The following TAFA2 variants were observed in gnomAD, a reference collection of about 807,000 sequenced individuals.
TAFA2 encodes the protein TAFA chemokine like family member 2, also known as chemokine-like protein TAFA-2.
TAFA2 carries 7 observed loss-of-function variants against 18.8 expected under a neutral mutation model. The observed-to-expected ratio is 0.37, with a 90% CI of 0.21 to 0.70. The LOEUF is 0.70. TAFA2 is among the 30% of genes least tolerant of loss of function. TAFA2 has a pLI of 0.53. For synonymous variants in TAFA2, 60 were observed against 54.2 expected, an observed-to-expected ratio of 1.11 and a Z score of -0.47; for missense variants, 122 against 158.1, an observed-to-expected ratio of 0.77 and a Z score of 1.23.
At chr12:61,977,512 C>A (rs909206161) in intron 1 of TAFA2, among the ~76,000 whole-genome samples, 5 of 152,014 alleles carry the variant, frequency 3.3e-5, no homozygotes, top group Admixed American at 1.3e-4. Context: ...TAAGCCCAGA[C>A]AATGAATGTG....
intron 1 of TAFA2, among the ~76,000 whole-genome samples, chr12:62,057,986 CTCTT>C (rs1489616474): frequency 1.3e-5 from 2 of 152,248 alleles, no homozygotes; most frequent in Non-Finnish European, 2.9e-5. Context: ...GGCAAGCTCT[CTCTT>C]TGTCTGAAAA....
rs57166010 is a variant in TAFA2 at position 61,785,319 on chromosome 12, T to TTGTGTGTGTGTGTGTG, written c.107-30311_107-30296dup. On this transcript the variant is annotated intron_variant, in intron 2 of 4. Transcript: ENST00000416284. ...ATTCCTTTATGGCTGAATAGTATTC[T>TTGTGTGTGTGTGTGTG]TGTGTGTGTGTGTGTGTGTGTGTGT... Among the ~76,000 whole-genome samples the TTGTGTGTGTGTGTGTG allele has an allele frequency of 8.8e-4, 123 of 140,180 alleles. 1 individual carries two copies. Among genetic ancestry groups the TTGTGTGTGTGTGTGTG allele is most frequent in the African/African-American group, 3.0e-3 (113 of 37,828 alleles). 92.0% of individuals were successfully genotyped at this position (140,180 alleles called of 152,430 possible). A position where few individuals can be genotyped will look rare whatever the true frequency, so the allele number is the denominator to read the frequency against.
At chr12:61,895,913 T>A (rs878861332) in intron 1 of TAFA2, among the ~76,000 whole-genome samples, 1 of 151,968 alleles carries the variant, frequency 6.6e-6, no homozygotes, top group South Asian at 2.1e-4. Flanking sequence ...TACCAACTCT[T>A]CAAATATTTG....
chr12:62,259,590 G>T (rs910459441), upstream of TAFA2: 1 of 152,210 alleles, frequency 6.6e-6, no homozygotes, highest in Admixed American at 6.5e-5. Context: ...CATTTCAGGT[G>T]TACGGCACCA....
At chr12:62,240,082 G>T (rs139581445) in intron 1 of TAFA2, among the ~76,000 whole-genome samples, 2 of 150,218 alleles carry the variant, frequency 1.3e-5, no homozygotes, top group African/African-American at 4.9e-5. Context: ...TATATTTATC[G>T]TACATAAATA....
At chr12:61,777,169 C>T (rs753579883) in intron 2 of TAFA2, among the ~76,000 whole-genome samples, 6 of 151,880 alleles carry the variant, frequency 4.0e-5, no homozygotes, top group Non-Finnish European at 8.8e-5. Flanking sequence ...GAATCAAAGA[C>T]TAAGGCAGCC....
intron 1 of TAFA2, among the ~76,000 whole-genome samples, chr12:62,250,757 G>A (rs1284273111): frequency 6.6e-6 from 1 of 152,130 alleles, no homozygotes; most frequent in Admixed American, 6.6e-5. Context: ...TTCAGCAAAT[G>A]ATTACTCCCT....
At chr12:61,840,189 T>C (rs1873115775) in intron 2 of TAFA2, among the ~76,000 whole-genome samples, 1 of 152,008 alleles carries the variant, frequency 6.6e-6, no homozygotes, top group African/African-American at 2.4e-5. Context: ...TAGAGTTGTG[T>C]CTTGGTGTAT....
chr12:61,903,758 T>G (rs1439654840), intron 1 of TAFA2, among the ~76,000 whole-genome samples: 2 of 152,192 alleles, frequency 1.3e-5, no homozygotes, highest in Admixed American at 6.6e-5. Flanking sequence ...AGTTTTTTTG[T>G]ATGTCAACTA....
At chr12:62,033,280 C>T (rs953421457) in intron 1 of TAFA2, among the ~76,000 whole-genome samples, 1 of 152,138 alleles carries the variant, frequency 6.6e-6, no homozygotes, top group African/African-American at 2.4e-5. Flanking sequence ...ACATATATTC[C>T]TGAGGGTCAA....
At chr12:61,959,370 T>C (rs1878804720) in intron 1 of TAFA2, among the ~76,000 whole-genome samples, 1 of 152,054 alleles carries the variant, frequency 6.6e-6, no homozygotes, top group Non-Finnish European at 1.5e-5. Context: ...GGTCTTTGTA[T>C]AGGTCTGCTA....
chr12:62,002,747 C>T (rs1880420127), intron 1 of TAFA2, among the ~76,000 whole-genome samples: 2 of 152,142 alleles, frequency 1.3e-5, no homozygotes, highest in Admixed American at 6.5e-5. Context: ...ATAATCATAT[C>T]ATACTCCCTA....
At chr12:62,126,754 C>A (rs545365631) in intron 1 of TAFA2, among the ~76,000 whole-genome samples, 2 of 152,174 alleles carry the variant, frequency 1.3e-5, no homozygotes, top group Non-Finnish European at 2.9e-5. Context: ...CGGAGAGCCA[C>A]AGAAGGACAG....
chr12:62,248,091 T>G (rs946234411), intron 1 of TAFA2, among the ~76,000 whole-genome samples: 1 of 152,116 alleles, frequency 6.6e-6, no homozygotes, highest in African/African-American at 2.4e-5. Context: ...AAAAGAAAGC[T>G]CTCAGAAAAA....
chr12:62,094,181 T>A (rs75362195), intron 1 of TAFA2, among the ~76,000 whole-genome samples: 1 of 152,266 alleles, frequency 6.6e-6, no homozygotes, highest in African/African-American at 2.4e-5. Context: ...TATAATTGAC[T>A]AAGGTAGCTC....
intron 1 of TAFA2, among the ~76,000 whole-genome samples, chr12:61,919,157 C>T (rs1047420891): frequency 1.3e-5 from 2 of 152,156 alleles, no homozygotes; most frequent in African/African-American, 2.4e-5. Context: ...TAATGACAAC[C>T]TTTCCTTCTT....
chr12:62,155,957 A>G (rs2062366503), intron 1 of TAFA2, among the ~76,000 whole-genome samples: 1 of 152,240 alleles, frequency 6.6e-6, no homozygotes, highest in South Asian at 2.1e-4. Flanking sequence ...ACTTAATTAG[A>G]CTGAAGAGCT....
At chr12:61,869,930 G>A (rs1205135544) in intron 1 of TAFA2, among the ~76,000 whole-genome samples, 1 of 152,138 alleles carries the variant, frequency 6.6e-6, no homozygotes, top group Non-Finnish European at 1.5e-5. Flanking sequence ...GAGCTGCTTA[G>A]CATAATTCTT....
At chr12:61,727,985 A>G (rs1023749504) in intron 4 of TAFA2, among the ~76,000 whole-genome samples, 7 of 149,446 alleles carry the variant, frequency 4.7e-5, no homozygotes, top group Non-Finnish European at 8.9e-5. Context: ...TGAATCATTC[A>G]GGAGCGGATT....
Sources: allele counts gnomAD v4.1 joint callset (sites outside exome capture counted in the v4.1 genomes callset), GRCh38; gene constraint gnomAD v4.1.1; transcripts MANE v1.5; gene names NCBI Gene and HGNC (gene_info 2026-07-23, HGNC 2026-07-21).